The following PTPRM variants were observed in gnomAD, a reference collection of about 807,000 sequenced individuals.
PTPRM encodes the protein protein tyrosine phosphatase receptor type M.
A neutral mutation model predicts 186.7 loss-of-function variants in PTPRM; 47 were observed. That is an observed-to-expected ratio of 0.25 (90% CI 0.20 to 0.32). PTPRM has a LOEUF of 0.32. Among genes scored for constraint, PTPRM ranks in the 10% least tolerant of loss-of-function variants. PTPRM has a pLI of 1.00. For synonymous variants in PTPRM, 668 were observed against 674.9 expected (o/e 0.99, Z 0.16); for missense variants, 1,494 against 1,865.0 (o/e 0.80, Z 3.66).
At chr18:7,998,073 G>C (rs1453061795) in intron 7 of PTPRM, among the ~76,000 whole-genome samples, 2 of 152,138 alleles carry the variant, frequency 1.3e-5, no homozygotes, top group South Asian at 2.1e-4. Flanking sequence ...ATTGAAGAGA[G>C]ATTTGCACTC....
chr18:7,861,499 T>A (rs1399918770), intron 2 of PTPRM, among the ~76,000 whole-genome samples: 1 of 152,178 alleles, frequency 6.6e-6, no homozygotes, highest in African/African-American at 2.4e-5. Flanking sequence ...TTGTACATAA[T>A]CAGCATTTTC....
chr18:7,716,926 T>C (rs1253191382), intron 1 of PTPRM, among the ~76,000 whole-genome samples: 1 of 152,172 alleles, frequency 6.6e-6, no homozygotes, highest in Non-Finnish European at 1.5e-5. Flanking sequence ...TGGCAATTCC[T>C]AGAAACTAGA....
chr18:8,273,509 C>T (rs1438010924), intron 19 of PTPRM, among the ~76,000 whole-genome samples: 2 of 152,146 alleles, frequency 1.3e-5, no homozygotes. Flanking sequence ...TCTCTTTTGT[C>T]ACTGACCCAA....
At chr18:7,737,230 G>A (rs149887780) in intron 1 of PTPRM, among the ~76,000 whole-genome samples, 5,368 of 152,142 alleles carry the variant, frequency 0.035, 149 homozygotes, top group Non-Finnish European at 0.058. Context: ...CAAGTAGCTG[G>A]TATTACAGGT....
At chr18:8,068,011 G>A (rs1321431929) in intron 7 of PTPRM, among the ~76,000 whole-genome samples, 1 of 152,134 alleles carries the variant, frequency 6.6e-6, no homozygotes, top group Admixed American at 6.5e-5. Context: ...AGAAAACAGT[G>A]GAGTGGGGAC....
intron 23 of PTPRM, among the ~76,000 whole-genome samples, chr18:8,370,359 G>T (rs2095656680): frequency 6.6e-6 from 1 of 152,168 alleles, no homozygotes; most frequent in Non-Finnish European, 1.5e-5. Flanking sequence ...CAGATTTTAG[G>T]AAGTTTTGTT....
intron 1 of PTPRM, among the ~76,000 whole-genome samples, chr18:7,621,364 A>G (rs897049342): frequency 1.3e-5 from 2 of 152,224 alleles, no homozygotes; most frequent in Admixed American, 1.3e-4. Flanking sequence ...AGAAGGTGCT[A>G]GAGTTCCCAT....
chr18:8,356,106 C>A (rs1352443703), intron 23 of PTPRM, among the ~76,000 whole-genome samples: 1 of 152,152 alleles, frequency 6.6e-6, no homozygotes, highest in African/African-American at 2.4e-5. Flanking sequence ...GTTGACAGAC[C>A]AAATGATGCA....
chr18:8,195,152 C>CT (rs1164451439), intron 14 of PTPRM, among the ~76,000 whole-genome samples: 4,607 of 116,982 alleles, frequency 0.039, 219 homozygotes, highest in African/African-American at 0.12. Context: ...CTTAGAAGTT[C>CT]TTTTTTTTTT....
At chr18:8,248,432 A>G (rs975159935) in intron 17 of PTPRM, 13 of 549,412 alleles carry the variant, frequency 2.4e-5, no homozygotes, top group African/African-American at 3.8e-5. Flanking sequence ...CTCAGCCCCA[A>G]TATTCTCCCT....
intron 4 of PTPRM, among the ~76,000 whole-genome samples, chr18:7,926,155 C>A (rs1568023558): frequency 1.3e-5 from 2 of 152,178 alleles, no homozygotes; most frequent in East Asian, 1.9e-4. Context: ...TCCTTGACAA[C>A]ATCATTTAAC....
chr18:8,381,906 A>G (rs988860103), intron 29 of PTPRM, among the ~76,000 whole-genome samples: 3 of 152,232 alleles, frequency 2.0e-5, no homozygotes, highest in African/African-American at 7.2e-5. Context: ...ATTAGTGAAC[A>G]AGACATCAGT....
At chr18:7,585,233 AC>A (rs2036947945) in intron 1 of PTPRM, among the ~76,000 whole-genome samples, 1 of 152,152 alleles carries the variant, frequency 6.6e-6, no homozygotes, top group African/African-American at 2.4e-5. Context: ...GAGAGAATAA[AC>A]TTTTACATAG....
At chr18:7,899,526 C>T (rs374281949) in intron 3 of PTPRM, among the ~76,000 whole-genome samples, 4 of 152,284 alleles carry the variant, frequency 2.6e-5, no homozygotes, top group East Asian at 3.9e-4. Context: ...TAAGGTGACT[C>T]TGTGATTCTG....
At chr18:7,686,728 T>C (rs2144613347) in intron 1 of PTPRM, among the ~76,000 whole-genome samples, 1 of 152,266 alleles carries the variant, frequency 6.6e-6, no homozygotes, top group African/African-American at 2.4e-5. Context: ...AAATGAACAT[T>C]TGTGTCTAAC....
chr18:7,805,260 C>T (rs928406578), intron 2 of PTPRM, among the ~76,000 whole-genome samples: 10 of 152,112 alleles, frequency 6.6e-5, no homozygotes, highest in Non-Finnish European at 1.0e-4. Context: ...TCTCTTAAAC[C>T]GCCCTCATTA....
At chr18:8,229,671 C>CATAG (rs1426607528) in intron 14 of PTPRM, among the ~76,000 whole-genome samples, 19 of 152,102 alleles carry the variant, frequency 1.2e-4, no homozygotes. Flanking sequence ...TTGAGGTGAT[C>CATAG]ATAGATACAT....
intron 1 of PTPRM, among the ~76,000 whole-genome samples, chr18:7,716,924 C>T (rs932852319): frequency 4.6e-5 from 7 of 152,104 alleles, no homozygotes; most frequent in African/African-American, 1.7e-4. Context: ...TGTGGCAATT[C>T]CTAGAAACTA....
intron 7 of PTPRM, among the ~76,000 whole-genome samples, chr18:8,029,599 CT>C (rs1426368840): frequency 6.6e-6 from 1 of 152,216 alleles, no homozygotes; most frequent in Non-Finnish European, 1.5e-5. Context: ...TTCCTTCCCT[CT>C]GTGTACTCTT....
Sources: gnomAD v4.1 joint callset for allele counts (sites outside exome capture counted in the v4.1 genomes callset) on GRCh38, gnomAD v4.1.1 for gene constraint, MANE v1.5 for transcripts, NCBI Gene and HGNC (gene_info 2026-07-23, HGNC 2026-07-21) for gene names.